Variants in COL14A1 observed in about 807,000 individuals in gnomAD.
COL14A1 encodes collagen alpha-1(XIV) chain.
In COL14A1, 136 loss-of-function variants were observed where a neutral mutation model predicts 230.3. The observed-to-expected ratio is 0.59, with a 90% CI of 0.51 to 0.68. The LOEUF is 0.68. Ranked by LOEUF, COL14A1 falls within the 30% of genes least tolerant of loss-of-function variation. The pLI is 0.00. For missense variants in COL14A1, 1,976 were observed against 2,215.8 expected (o/e 0.89, Z 2.17); for synonymous variants, 792 against 784.1 (o/e 1.01, Z -0.17).
intron 40 of COL14A1, among the ~76,000 whole-genome samples, chr8:120,325,212 A>G (rs1416938503): frequency 6.6e-6 from 1 of 152,210 alleles, no homozygotes; most frequent in Non-Finnish European, 1.5e-5. Flanking sequence ...TTTTAAAAAC[A>G]AATTATAAAA....
Position 120,162,496 on chromosome 8 carries a change from C to A in COL14A1, c.276C>A (p.Asp92Glu). The A allele has an allele frequency of 3.1e-6, 5 of 1,612,956 alleles. No homozygotes were observed. The highest frequency in any genetic ancestry group is 4.2e-6 in the Non-Finnish European group (5 of 1,179,472). Residue 92 changes from aspartate to glutamate, a missense_variant, in exon 4 of 48, where the codon GAC becomes GAA. Asp to Glu is a conservative substitution (Grantham distance 45). Transcript: ENST00000297848. ...CAATTATTCAAGGCCTTATGCCAGA[C>A]CAGAATTACACAGTTCAAATTATTG... Reference protein sequence around the residue: ...TKAIIQGLMPDQNYTVQIIAY... With the variant: ...TKAIIQGLMPEQNYTVQIIAY...
chr8:120,208,120 A>C, intron 10 of COL14A1, 112 bp from the exon 11 acceptor site: 1 of 1,140,070 alleles, frequency 8.8e-7, no homozygotes. Context: ...ATGTGGCACA[A>C]ACAAGAAAAT....
intron 36 of COL14A1, among the ~76,000 whole-genome samples, chr8:120,301,889 TA>T (rs1820725157): frequency 1.3e-5 from 2 of 152,190 alleles, no homozygotes; most frequent in African/African-American, 4.8e-5. Context: ...GTTTTAATAA[TA>T]GGCATTCTGA....
chr8:120,304,566 G>A (rs1167772985), intron 36 of COL14A1, among the ~76,000 whole-genome samples: 4 of 152,110 alleles, frequency 2.6e-5, no homozygotes, highest in South Asian at 2.1e-4. Flanking sequence ...GGCTTGTTAC[G>A]TGAATCATTG....
intron 22 of COL14A1, 73 bp downstream of exon 22, chr8:120,250,839 G>T (rs1008102114): frequency 6.5e-7 from 1 of 1,538,506 alleles, no homozygotes; most frequent in Non-Finnish European, 8.8e-7. Context: ...ATGGAGTCTC[G>T]CTCTGTCGCT....
chr8:120,248,917 CTTTTTTTTT>C (rs71571673), intron 21 of COL14A1, among the ~76,000 whole-genome samples: 13 of 84,192 alleles, frequency 1.5e-4, no homozygotes, highest in Non-Finnish European at 2.6e-4. Context: ...TTCAATCTTT[CTTTTTTTTT>C]TTTTTTTTTT....
intron 9 of COL14A1, among the ~76,000 whole-genome samples, chr8:120,206,724 T>TAA (rs756293678): frequency 1.3e-5 from 2 of 152,228 alleles, no homozygotes; most frequent in East Asian, 3.9e-4. Context: ...AACTATGTCT[T>TAA]ATTTAAGTTT....
intron 1 of COL14A1, among the ~76,000 whole-genome samples, chr8:120,145,489 C>T (rs565791096): frequency 8.5e-5 from 13 of 152,176 alleles, no homozygotes; most frequent in African/African-American, 2.2e-4. Context: ...CGTAGTGGCA[C>T]GTGCCTGTAA....
In COL14A1 at chr8:120,283,684, A is replaced by G. The variant is rs780279450; in HGVS notation, c.3873A>G (p.Leu1291=). 2 of 1,613,882 alleles carry G rather than the reference A, an allele frequency of 1.2e-6. No individual in the cohort carries two copies. Among genetic ancestry groups the G allele is most frequent in the Admixed American group, 1.7e-5 (1 of 59,940 alleles). Reference sequence around the variant, plus strand: ...CCTCCGACTACACAATCAGTTTTCTATTCCGGATTCTTCCTGACACTCCAC... The same window carrying G: ...CCTCCGACTACACAATCAGTTTTCTGTTCCGGATTCTTCCTGACACTCCAC... The part of the protein sequence containing the change: ...GLPSDYTISF[L]FRILPDTPQE... Residue 1291 remains leucine (L), a synonymous_variant, in exon 32 of 48, where the codon CTA becomes CTG. Transcript: ENST00000297848.
rs528170518 is a variant in COL14A1, at chr8:120,250,678, C to A, written c.2664C>A (p.Asn888Lys). 59 of 1,614,244 alleles carry A rather than the reference C, an allele frequency of 3.7e-5. No individual in the cohort carries two copies. In the South Asian group the frequency reaches 5.5e-4, roughly 15 times the overall value. ...ACATTAACACCATCCTTATCACAAA[C>A]CTCCTCAGCGGAATGGACTACAATG... ...GADINTILITNLLSGMDYNVK... is the reference protein window; with the variant it reads ...GADINTILITKLLSGMDYNVK... The change falls in exon 22 of 48, where the codon AAC becomes AAA. Residue 888 changes from asparagine to lysine, a missense_variant. Physicochemically the swap from Asn to Lys is moderately conservative, Grantham distance 94 (BLOSUM62 0). This residue lies in a region of COL14A1 where 1,791 missense variants were observed against 2,019.5 expected (regional missense o/e 0.89). Coordinates refer to ENST00000297848, the MANE Select transcript of COL14A1 (RefSeq NM_021110.4).
intron 24 of COL14A1, among the ~76,000 whole-genome samples, chr8:120,265,219 G>A (rs1465790447): frequency 6.6e-6 from 1 of 152,024 alleles, no homozygotes; most frequent in Non-Finnish European, 1.5e-5. Context: ...TATTAATCTG[G>A]CTGCCATACT....
chr8:120,231,287 G>A (rs1377271781), intron 18 of COL14A1, among the ~76,000 whole-genome samples, 180 bp from the exon 19 acceptor site: 1 of 152,114 alleles, frequency 6.6e-6, no homozygotes, highest in Non-Finnish European at 1.5e-5. Flanking sequence ...TTTATTTGCT[G>A]CTAGTAGGTA....
intron 23 of COL14A1, among the ~76,000 whole-genome samples, chr8:120,257,448 G>A (rs189203925): frequency 1.3e-5 from 2 of 152,192 alleles, no homozygotes; most frequent in South Asian, 2.1e-4. Context: ...TTTGATGGAG[G>A]AGTGAGTGTG....
At chr8:120,186,996 T>C (rs1236605954) in intron 5 of COL14A1, among the ~76,000 whole-genome samples, 2 of 151,956 alleles carry the variant, frequency 1.3e-5, no homozygotes, top group Non-Finnish European at 2.9e-5. Flanking sequence ...AGGTAATGAG[T>C]TCCATCTAAG....
chr8:120,230,036 G>C (rs151059621), intron 18 of COL14A1, among the ~76,000 whole-genome samples: 3 of 152,072 alleles, frequency 2.0e-5, no homozygotes, highest in Admixed American at 2.0e-4. Context: ...ATGTGTCATC[G>C]TGCCTGGCTA....
At chr8:120,174,019 A>G (rs769021621) in intron 5 of COL14A1, among the ~76,000 whole-genome samples, 29 of 152,176 alleles carry the variant, frequency 1.9e-4, no homozygotes, top group Non-Finnish European at 3.7e-4. Flanking sequence ...AATACAGTTA[A>G]GTTAATCTGT....
intron 1 of COL14A1, among the ~76,000 whole-genome samples, chr8:120,147,457 A>G (rs1745589992): frequency 6.6e-6 from 1 of 152,182 alleles, no homozygotes; most frequent in Non-Finnish European, 1.5e-5. Flanking sequence ...TGGGAGGAAC[A>G]CATTACTGGC....
At chr8:120,307,063 A>G (rs1820877250) in intron 36 of COL14A1, among the ~76,000 whole-genome samples, 2 of 152,216 alleles carry the variant, frequency 1.3e-5, no homozygotes, top group South Asian at 2.1e-4. Flanking sequence ...AAGAAGGCAA[A>G]TGAGGCTGCT....
intron 34 of COL14A1, among the ~76,000 whole-genome samples, chr8:120,293,441 T>A (rs553473132): frequency 6.7e-6 from 1 of 150,344 alleles, no homozygotes; most frequent in South Asian, 2.1e-4. Context: ...AGTTATTACA[T>A]CTCTGCTAGG....
Sources: allele counts gnomAD v4.1 joint callset (sites outside exome capture counted in the v4.1 genomes callset), GRCh38; gene constraint gnomAD v4.1.1; regional missense constraint gnomAD v4.1.1; transcripts MANE v1.5; gene names NCBI Gene and HGNC (gene_info 2026-07-23, HGNC 2026-07-21).